Variants in CNTNAP2 observed in about 807,000 individuals in gnomAD.
CNTNAP2 encodes contactin-associated protein-like 2.
CNTNAP2 carries 98 observed loss-of-function variants against 155.2 expected under a neutral mutation model. That is an observed-to-expected ratio of 0.63 (90% confidence interval 0.54 to 0.75). The LOEUF is 0.75. Among genes scored for constraint, CNTNAP2 ranks in the 30% least tolerant of loss-of-function variants. The pLI is 0.00. For missense variants in CNTNAP2, 1,727 were observed against 1,688.1 expected (o/e 1.02, Z -0.40); for synonymous variants, 651 against 631.2 (o/e 1.03, Z -0.47).
At chr7:148,136,745 G>A (rs1267417904) in intron 16 of CNTNAP2, among the ~76,000 whole-genome samples, 1 of 152,060 alleles carries the variant, frequency 6.6e-6, no homozygotes, top group African/African-American at 2.4e-5. Context: ...CTGTTCTCTC[G>A]ATGGAGCTAC....
At chr7:146,719,076 T>C (rs1254845674) in intron 1 of CNTNAP2, among the ~76,000 whole-genome samples, 1 of 152,172 alleles carries the variant, frequency 6.6e-6, no homozygotes, top group Non-Finnish European at 1.5e-5. Flanking sequence ...AATCACTCTA[T>C]TTTTTGTTAA....
chr7:147,378,119 C>A (rs1344547314), intron 9 of CNTNAP2: 1 of 441,672 alleles, frequency 2.3e-6, no homozygotes, highest in Non-Finnish European at 4.5e-6. Flanking sequence ...TACGTTAGAA[C>A]TCATTTTTAT....
intron 1 of CNTNAP2, among the ~76,000 whole-genome samples, chr7:146,516,356 C>T (rs774084252): frequency 6.6e-6 from 1 of 151,956 alleles, no homozygotes; most frequent in Non-Finnish European, 1.5e-5. Context: ...CAGAATATAA[C>T]TCTAGAAATT....
intron 15 of CNTNAP2, among the ~76,000 whole-genome samples, chr7:148,099,421 TTGTGTGTGTGTGTGTG>T (rs35957905): frequency 3.5e-5 from 5 of 140,966 alleles, no homozygotes; most frequent in South Asian, 4.7e-4. Context: ...AGCATTGCAA[TTGTGTGTGTGTGTGTG>T]TGTGTGTGTG....
In CNTNAP2 at chr7:146,868,018, A is replaced by G. The variant is rs192017183; in HGVS notation, c.402+28114A>G. Among the ~76,000 whole-genome samples, 359 of 152,198 alleles carry G rather than the reference A, an allele frequency of 2.4e-3. 4 individuals are homozygous for G. The highest frequency in any genetic ancestry group is 8.4e-3 in the African/African-American group (348 of 41,524). On this transcript the variant is annotated intron_variant, in intron 3 of 23. Coordinates refer to ENST00000361727, the MANE Select transcript of CNTNAP2 (RefSeq NM_014141.6). ...TTCTTTTGCTGCAGAAACGCTCTTA[A>G]GTTTAATTAGATCCCACTTGTCAAT...
intron 21 of CNTNAP2, among the ~76,000 whole-genome samples, chr7:148,306,800 C>T (rs1026373674): frequency 3.3e-5 from 5 of 151,444 alleles, no homozygotes; most frequent in African/African-American, 7.3e-5. Flanking sequence ...TGTGTATTTT[C>T]GTTTGTTTTT....
intron 22 of CNTNAP2, among the ~76,000 whole-genome samples, chr7:148,405,349 C>T (rs1799673910): frequency 6.6e-6 from 1 of 151,602 alleles, no homozygotes; most frequent in African/African-American, 2.4e-5. Context: ...TCAGGTAACT[C>T]CTTCCACTAT....
chr7:147,924,300 G>C (rs111416724), intron 14 of CNTNAP2, among the ~76,000 whole-genome samples: 68 of 151,732 alleles, frequency 4.5e-4, no homozygotes, highest in Middle Eastern at 3.4e-3. Context: ...CACAATGCCC[G>C]GCTAATTTTT....
intron 1 of CNTNAP2, among the ~76,000 whole-genome samples, chr7:146,432,558 T>A (rs1796187302): frequency 6.6e-6 from 1 of 152,098 alleles, no homozygotes; most frequent in Non-Finnish European, 1.5e-5. Context: ...TTCAAGTGAT[T>A]TTGAAAATGT....
chr7:148,058,488 G>A (rs774755043), intron 15 of CNTNAP2, among the ~76,000 whole-genome samples: 8 of 152,170 alleles, frequency 5.3e-5, no homozygotes, highest in Non-Finnish European at 7.3e-5. Flanking sequence ...GGGCATTTCA[G>A]AGGCAGAGTA....
chr7:147,938,198 G>A (rs1257459337), intron 14 of CNTNAP2, among the ~76,000 whole-genome samples: 1 of 152,122 alleles, frequency 6.6e-6, no homozygotes, highest in African/African-American at 2.4e-5. Context: ...TGCAATAGAA[G>A]TCCTTTTCTA....
At chr7:146,295,982 G>A (rs566460142) in intron 1 of CNTNAP2, among the ~76,000 whole-genome samples, 1 of 152,132 alleles carries the variant, frequency 6.6e-6, no homozygotes, top group South Asian at 2.1e-4. Flanking sequence ...ATTCTGGACA[G>A]AAACATAGTT....
chr7:147,266,757 C>A (rs1330328240), intron 8 of CNTNAP2, among the ~76,000 whole-genome samples: 2 of 152,120 alleles, frequency 1.3e-5, no homozygotes, highest in African/African-American at 4.8e-5. Flanking sequence ...CTTTTAATCT[C>A]TTTTATTAAG....
At chr7:146,436,621 T>C (rs1796247124) in intron 1 of CNTNAP2, among the ~76,000 whole-genome samples, 1 of 151,786 alleles carries the variant, frequency 6.6e-6, no homozygotes, top group Admixed American at 6.6e-5. Context: ...TAAAACACAG[T>C]TTAGAAGAAA....
chr7:148,310,495 A>C (rs1053282971), intron 21 of CNTNAP2, among the ~76,000 whole-genome samples: 4 of 152,234 alleles, frequency 2.6e-5, no homozygotes, highest in Non-Finnish European at 2.9e-5. Flanking sequence ...AATGCCTGCT[A>C]TTCCAGTACC....
intron 1 of CNTNAP2, among the ~76,000 whole-genome samples, chr7:146,443,200 C>T (rs1025815778): frequency 6.7e-6 from 1 of 149,906 alleles, no homozygotes; most frequent in Non-Finnish European, 1.5e-5. Context: ...GGTGACAGAG[C>T]GAGACTCCGT....
At chr7:147,788,265 A>C (rs970712183) in intron 13 of CNTNAP2, among the ~76,000 whole-genome samples, 1 of 152,220 alleles carries the variant, frequency 6.6e-6, no homozygotes, top group African/African-American at 2.4e-5. Context: ...AAACTGTCCT[A>C]GTCAAATTTT....
At chr7:146,755,074 T>C (rs1196731336) in intron 1 of CNTNAP2, among the ~76,000 whole-genome samples, 1 of 152,034 alleles carries the variant, frequency 6.6e-6, no homozygotes, top group African/African-American at 2.4e-5. Context: ...AGGGTGATAC[T>C]CTCCTGCAAT....
chr7:146,183,224 A>G (rs1223868400), intron 1 of CNTNAP2, among the ~76,000 whole-genome samples: 1 of 152,102 alleles, frequency 6.6e-6, no homozygotes, highest in African/African-American at 2.4e-5. Context: ...CCCTGCCTGC[A>G]TCTCACAATA....
Sources: allele counts gnomAD v4.1 joint callset (sites outside exome capture counted in the v4.1 genomes callset), GRCh38; gene constraint gnomAD v4.1.1; transcripts MANE v1.5; gene names NCBI Gene and HGNC (gene_info 2026-07-23, HGNC 2026-07-21).